Variants in MMP26 observed in about 807,000 individuals in gnomAD.
MMP26 encodes matrix metalloproteinase-26.
A neutral mutation model predicts 31.0 loss-of-function variants in MMP26; 33 were observed. The ratio of observed to expected loss-of-function variants is 1.06; its 90% CI spans 0.81 to 1.42. The LOEUF (loss-of-function observed/expected upper bound fraction) is 1.42. MMP26 is among the 40% of genes most tolerant of loss of function. The pLI is 0.00. For missense variants in MMP26, 347 were observed against 316.1 expected, an observed-to-expected ratio of 1.10 and a Z score of -0.74; for synonymous variants, 122 against 114.9, an observed-to-expected ratio of 1.06 and a Z score of -0.40.
intron 2 of MMP26, chr11:4,833,024 G>A (rs1267383258): frequency 6.6e-6 from 1 of 152,358 alleles, no homozygotes; most frequent in Non-Finnish European, 1.5e-5. Context: ...TAAAAACTCG[G>A]CAGATTAGAG....
At chr11:4,915,912 C>A (rs921339025) in intron 2 of MMP26, among the ~76,000 whole-genome samples, 1 of 152,150 alleles carries the variant, frequency 6.6e-6, no homozygotes, top group African/African-American at 2.4e-5. Context: ...ATGAGCCAAA[C>A]TGGGTGAGTT....
chr11:4,955,543 C>A (rs2133614927), intron 2 of MMP26: 1 of 1,346,000 alleles, frequency 7.4e-7, no homozygotes, highest in Admixed American at 1.9e-5. Context: ...TGGGCCCATG[C>A]AAGGAGGGCT....
chr11:4,746,834 C>CACAT (rs1292115913), intron 1 of MMP26, among the ~76,000 whole-genome samples: 35 of 56,422 alleles, frequency 6.2e-4, no homozygotes, highest in African/African-American at 2.3e-3. Flanking sequence ...GTCTCTGTCA[C>CACAT]ACACACACAC....
chr11:4,937,099 A>T (rs777368164), intron 2 of MMP26, among the ~76,000 whole-genome samples: 1 of 152,196 alleles, frequency 6.6e-6, no homozygotes, highest in African/African-American at 2.4e-5. Flanking sequence ...CAGGAAGCAG[A>T]TGCTTCCAGT....
chr11:4,787,229 G>C (rs16938620), intron 2 of MMP26: 7,616 of 152,326 alleles, frequency 0.05, 618 homozygotes, highest in African/African-American at 0.17. Context: ...ATCAGCCTCT[G>C]TCCATCCCTC....
At chr11:4,902,530 G>A (rs1022581232) in intron 2 of MMP26, among the ~76,000 whole-genome samples, 1 of 152,078 alleles carries the variant, frequency 6.6e-6, no homozygotes, top group Non-Finnish European at 1.5e-5. Flanking sequence ...GTTGGCACCT[G>A]GGTTGGTTTC....
At chr11:4,775,172 T>A in intron 2 of MMP26, among the ~76,000 whole-genome samples, 1 of 152,214 alleles carries the variant, frequency 6.6e-6, no homozygotes, top group East Asian at 1.9e-4. Flanking sequence ...AGAATGTCAG[T>A]GGTAATTTAT....
At chr11:4,858,579 A>G (rs1850092539) in intron 2 of MMP26, among the ~76,000 whole-genome samples, 1 of 152,218 alleles carries the variant, frequency 6.6e-6, no homozygotes, top group Admixed American at 6.5e-5. Context: ...AAGAGGACAC[A>G]AACAAATGGA....
At chr11:4,865,397 C>T (rs1684200888) in intron 2 of MMP26, among the ~76,000 whole-genome samples, 1 of 152,016 alleles carries the variant, frequency 6.6e-6, no homozygotes, top group Non-Finnish European at 1.5e-5. Context: ...GAAATTTCTT[C>T]TGAAGTAGAA....
chr11:4,849,482 A>G (rs1219642381), intron 2 of MMP26, among the ~76,000 whole-genome samples: 2 of 151,928 alleles, frequency 1.3e-5, no homozygotes, highest in East Asian at 1.9e-4. Flanking sequence ...TTGTTTTCAC[A>G]TGTTTTTTTA....
chr11:4,882,180 T>A, intron 2 of MMP26: 1 of 1,614,002 alleles, frequency 6.2e-7, no homozygotes, highest in Non-Finnish European at 8.5e-7. Context: ...GCCCGGGAGA[T>A]CAGCTTTAAA....
At chr11:4,768,115 C>T (rs1468291644) in intron 2 of MMP26, among the ~76,000 whole-genome samples, 2 of 152,128 alleles carry the variant, frequency 1.3e-5, no homozygotes, top group Non-Finnish European at 2.9e-5. Context: ...GTATGTTTAT[C>T]TATGGGGAAA....
chr11:4,766,095 C>T (rs897138288), intron 1 of MMP26, among the ~76,000 whole-genome samples: 1 of 152,178 alleles, frequency 6.6e-6, no homozygotes, highest in Non-Finnish European at 1.5e-5. Context: ...ATCAACCATT[C>T]TCACTATTCA....
intron 2 of MMP26, among the ~76,000 whole-genome samples, chr11:4,840,509 A>G (rs1191760907): frequency 6.6e-6 from 1 of 152,236 alleles, no homozygotes; most frequent in Non-Finnish European, 1.5e-5. Context: ...GGATAAAGTA[A>G]GGGAAGAGAA....
intron 2 of MMP26, among the ~76,000 whole-genome samples, chr11:4,896,965 G>C (rs778230661): frequency 1.3e-5 from 2 of 151,698 alleles, no homozygotes; most frequent in Admixed American, 6.6e-5. Context: ...CTTTTTCCCC[G>C]GTAGTATGTC....
At chr11:4,797,857 C>A (rs1849128053) in intron 2 of MMP26, among the ~76,000 whole-genome samples, 1 of 152,062 alleles carries the variant, frequency 6.6e-6, no homozygotes, top group South Asian at 2.1e-4. Context: ...TAATTCCTAC[C>A]CAGGAGCTCT....
intron 2 of MMP26, among the ~76,000 whole-genome samples, chr11:4,814,002 C>A (rs532593941): frequency 6.6e-6 from 1 of 152,052 alleles, no homozygotes; most frequent in Non-Finnish European, 1.5e-5. Context: ...AAGAGGTAGA[C>A]AAAGGGTCAA....
At chr11:4,792,510 C>A (rs1274609862) in intron 2 of MMP26, among the ~76,000 whole-genome samples, 1 of 152,086 alleles carries the variant, frequency 6.6e-6, no homozygotes, top group Non-Finnish European at 1.5e-5. Flanking sequence ...GTGGGTTATG[C>A]AGATTTTCTC....
In MMP26 at chr11:4,924,245, G is replaced by A. The variant is rs142377582; in HGVS notation, c.-144-63823G>A. The stretch of plus-strand genomic sequence containing the variant: ...AACTGTCAGGTAGATGAAGCAGAAG[G>A]GAATAGAGATCCAGCCATGGAGACC... On this transcript the variant is annotated intron_variant, in intron 2 of 7. Coordinates refer to ENST00000380390, the MANE Select transcript of MMP26 (RefSeq NM_021801.5). The A allele has an allele frequency of 3.1e-6, 5 of 1,614,074 alleles. No individual in the cohort carries two copies. Among genetic ancestry groups the A allele is most frequent in the African/African-American group, 2.7e-5 (2 of 74,938 alleles).
Sources: gnomAD v4.1 joint callset for allele counts (sites outside exome capture counted in the v4.1 genomes callset) on GRCh38, gnomAD v4.1.1 for gene constraint, MANE v1.5 for transcripts, NCBI Gene and HGNC (gene_info 2026-07-23, HGNC 2026-07-21) for gene names.